Variants in NMNAT3 observed in about 807,000 individuals in gnomAD.
NMNAT3 encodes the protein nicotinamide nucleotide adenylyltransferase 3.
Under a neutral mutation model 24.8 loss-of-function variants are expected in NMNAT3, and 21 were observed. The observed-to-expected ratio is 0.85, with a 90% CI of 0.60 to 1.22. NMNAT3 has a LOEUF of 1.22. Ranked by LOEUF, NMNAT3 falls within the 50% of genes most tolerant of loss-of-function variation. The probability of loss-of-function intolerance (pLI) is 0.00; values close to 1 mark genes in which losing one functional copy is unlikely to be tolerated. For missense variants in NMNAT3, 387 were observed against 436.6 expected (o/e 0.89, Z 1.01); for synonymous variants, 136 against 155.2 (o/e 0.88, Z 0.92).
intron 1 of NMNAT3, among the ~76,000 whole-genome samples, chr3:139,643,360 A>AGT (rs1321709787): frequency 6.6e-6 from 1 of 152,182 alleles, no homozygotes; most frequent in Non-Finnish European, 1.5e-5. Flanking sequence ...TCCACTTCTA[A>AGT]GTATATACTC....
At chr3:139,642,819 C>T (rs1303575308) in intron 1 of NMNAT3, among the ~76,000 whole-genome samples, 5 of 152,192 alleles carry the variant, frequency 3.3e-5, no homozygotes, top group South Asian at 2.1e-4. Flanking sequence ...GTGCTGGCTG[C>T]TTCCCTCCTG....
chr3:139,654,676 C>T lies in NMNAT3; in HGVS notation c.-140-16614G>A, dbSNP rs374112099. On this transcript the variant is annotated intron_variant, in intron 1 of 6. Coordinates refer to ENST00000643695, the MANE Select transcript of NMNAT3 (RefSeq NM_001320510.2). Reference sequence around the variant, plus strand: ...CAAAAATGAACACAGACACAGAGGACCCAAGCAGCCCAACTGGCTGTGGAA... The same window carrying T: ...CAAAAATGAACACAGACACAGAGGATCCAAGCAGCCCAACTGGCTGTGGAA... Among the ~76,000 whole-genome samples, 3 of 152,166 alleles carry T rather than the reference C, an allele frequency of 2.0e-5. No individual in the cohort carries two copies. In the East Asian group the frequency reaches 5.8e-4, roughly 29 times the overall value.
At chr3:139,622,508 G>T (rs960051395) in intron 3 of NMNAT3, among the ~76,000 whole-genome samples, 55 of 151,814 alleles carry the variant, frequency 3.6e-4, no homozygotes, top group African/African-American at 1.3e-3. Context: ...GCCGAGGCAG[G>T]CTGACCACAA....
chr3:139,633,524 A>T (rs1272694780), intron 2 of NMNAT3, among the ~76,000 whole-genome samples: 1 of 152,184 alleles, frequency 6.6e-6, no homozygotes, highest in Non-Finnish European at 1.5e-5. Context: ...CTATGGCTGC[A>T]GTGATTTGTT....
At chr3:139,600,009 C>G (rs2054640897) in intron 3 of NMNAT3, among the ~76,000 whole-genome samples, 1 of 152,174 alleles carries the variant, frequency 6.6e-6, no homozygotes, top group Non-Finnish European at 1.5e-5. Flanking sequence ...TGATCATCTG[C>G]CCTCTCTCCT....
chr3:139,577,533 T>C (rs1464242796), intron 5 of NMNAT3, among the ~76,000 whole-genome samples: 2 of 152,246 alleles, frequency 1.3e-5, no homozygotes, highest in Non-Finnish European at 2.9e-5. Context: ...GGAGCAAGCG[T>C]CTGTTTCTGC....
intron 6 of NMNAT3, among the ~76,000 whole-genome samples, chr3:139,564,425 G>A (rs1484338439): frequency 6.6e-6 from 1 of 152,220 alleles, no homozygotes; most frequent in Non-Finnish European, 1.5e-5. Flanking sequence ...TGTTGGGAGA[G>A]GGAATCCTCT....
chr3:139,617,924 A>T (rs548005269), intron 3 of NMNAT3, among the ~76,000 whole-genome samples: 1 of 152,360 alleles, frequency 6.6e-6, no homozygotes, highest in South Asian at 2.1e-4. Context: ...CTGACTAGTC[A>T]TATGTTGTGC....
At chr3:139,604,826 G>C (rs2054870544) in intron 3 of NMNAT3, among the ~76,000 whole-genome samples, 1 of 152,148 alleles carries the variant, frequency 6.6e-6, no homozygotes, top group African/African-American at 2.4e-5. Flanking sequence ...TTTAAGCCTA[G>C]TCCCAGAGGA....
At chr3:139,579,775 A>G (rs1939894709) in intron 4 of NMNAT3, among the ~76,000 whole-genome samples, 1 of 152,216 alleles carries the variant, frequency 6.6e-6, no homozygotes, top group Non-Finnish European at 1.5e-5. Context: ...ATCTTGACAA[A>G]TATGTTATTT....
At chr3:139,634,080 G>A (rs2056407165) in intron 2 of NMNAT3, among the ~76,000 whole-genome samples, 1 of 152,204 alleles carries the variant, frequency 6.6e-6, no homozygotes, top group South Asian at 2.1e-4. Flanking sequence ...ACCACGTAAT[G>A]TGATGCTGGC....
At chr3:139,664,560 T>A (rs895422342) in intron 1 of NMNAT3, among the ~76,000 whole-genome samples, 10 of 152,170 alleles carry the variant, frequency 6.6e-5, no homozygotes, top group African/African-American at 2.4e-4. Flanking sequence ...TGAAGCCAAC[T>A]CAGTGGTAAT....
At chr3:139,591,491 T>A (rs1408549585) in intron 3 of NMNAT3, among the ~76,000 whole-genome samples, 3 of 152,254 alleles carry the variant, frequency 2.0e-5, no homozygotes, top group Middle Eastern at 3.4e-3. Flanking sequence ...CCTGCCTGCC[T>A]CTGTAGGCTC....
intron 3 of NMNAT3, among the ~76,000 whole-genome samples, chr3:139,595,367 G>A (rs1352256405): frequency 4.6e-5 from 7 of 152,118 alleles, no homozygotes; most frequent in East Asian, 1.9e-4. Flanking sequence ...AATCAATATC[G>A]CGAAAATGGC....
At chr3:139,574,505 G>A (rs1449522864) in intron 5 of NMNAT3, among the ~76,000 whole-genome samples, 1 of 152,184 alleles carries the variant, frequency 6.6e-6, no homozygotes, top group Non-Finnish European at 1.5e-5. Flanking sequence ...ACTTATATAT[G>A]CTTTTGTCAA....
intron 2 of NMNAT3, among the ~76,000 whole-genome samples, chr3:139,632,513 C>T (rs2056340794): frequency 6.6e-6 from 1 of 152,220 alleles, no homozygotes; most frequent in Non-Finnish European, 1.5e-5. Flanking sequence ...CTAGACATTG[C>T]TCACTGCACT....
intron 3 of NMNAT3, among the ~76,000 whole-genome samples, chr3:139,585,508 C>T (rs920622911): frequency 6.6e-6 from 1 of 152,066 alleles, no homozygotes; most frequent in African/African-American, 2.4e-5. Flanking sequence ...ATATTGTTTT[C>T]TTTTGTGCCT....
intron 5 of NMNAT3, among the ~76,000 whole-genome samples, chr3:139,574,487 C>A (rs923309225): frequency 1.4e-4 from 21 of 152,258 alleles, no homozygotes; most frequent in Non-Finnish European, 2.1e-4. Flanking sequence ...TTCTGCAAAT[C>A]ATGAGATACT....
chr3:139,669,479 A>G (rs967602955), intron 1 of NMNAT3, among the ~76,000 whole-genome samples: 2 of 39,780 alleles, frequency 5.0e-5, no homozygotes, highest in Non-Finnish European at 6.9e-5. Context: ...CCTGTCTCAG[A>G]AAAAAAAAAA....
Sources: allele counts gnomAD v4.1 joint callset (sites outside exome capture counted in the v4.1 genomes callset), GRCh38; gene constraint gnomAD v4.1.1; transcripts MANE v1.5; gene names NCBI Gene and HGNC (gene_info 2026-07-23, HGNC 2026-07-21).